The following EXO1 variants were observed in gnomAD, a reference collection of about 807,000 sequenced individuals.
The protein encoded by EXO1 is exonuclease 1.
Under a neutral mutation model 84.5 loss-of-function variants are expected in EXO1, and 69 were observed. That is an observed-to-expected ratio of 0.82 (90% CI 0.67 to 1.00). The LOEUF (loss-of-function observed/expected upper bound fraction) is 1.00, where lower values mean the gene tolerates loss of function less well. EXO1 is among the 50% of genes least tolerant of loss of function. EXO1 has a pLI of 0.00. For synonymous variants in EXO1, 373 were observed against 366.1 expected, an observed-to-expected ratio of 1.02 and a Z score of -0.21; for missense variants, 1,045 against 1,000.7, an observed-to-expected ratio of 1.04 and a Z score of -0.60.
chr1:241,860,487 C>G, intron 8 of EXO1, 30 bp from the exon 9 acceptor site: 1 of 1,500,374 alleles, frequency 6.7e-7, no homozygotes, highest in Non-Finnish European at 9.3e-7. Context: ...TCTTTAGTTG[C>G]AGATAAAATA....
In EXO1 at chr1:241,850,525, T is replaced by C. The variant is rs111477819; in HGVS notation, c.100T>C (p.Trp34Arg). 6.2e-7 allele frequency: 1 copy of C among 1,614,088 alleles called. No individual in the cohort carries two copies. The highest frequency in any genetic ancestry group is 1.3e-5 in the African/African-American group (1 of 75,064). Reference sequence around the variant, plus strand: ...GGTAGTAGCTGTGGATACATATTGCTGGCTTCACAAAGGAGCTATTGCTTG... The same window carrying C: ...GGTAGTAGCTGTGGATACATATTGCCGGCTTCACAAAGGAGCTATTGCTTG... Reference protein sequence around the residue: ...GQVVAVDTYCWLHKGAIACAE... With the variant: ...GQVVAVDTYCRLHKGAIACAE... The change falls in exon 4 of 16, where the codon TGG becomes CGG. Residue 34 changes from tryptophan (W) to arginine (R), a missense_variant. By Grantham distance (101) the Trp-to-Arg change is moderately radical (BLOSUM62 -3). Coordinates refer to ENST00000366548, the MANE Select transcript of EXO1 (RefSeq NM_130398.4).
Position 241,889,710 on chromosome 1 carries a change from A to G in EXO1, c.*110A>G, listed in dbSNP as rs921263169. 6 of 1,049,320 alleles carry G rather than the reference A, an allele frequency of 5.7e-6. No individual in the cohort carries two copies. Among genetic ancestry groups the G allele is most frequent in the Non-Finnish European group, 7.4e-6 (5 of 675,726 alleles). The allele number at this position is 1,049,320 out of a possible 1,614,324, so 65.0% of individuals were successfully genotyped here. On this transcript the variant is annotated 3_prime_UTR_variant, in exon 16 of 16. Coordinates refer to ENST00000366548, the MANE Select transcript of EXO1 (RefSeq NM_130398.4). ...GAAGAATTTTTTCTCATTCTGTGCC[A>G]TTTTAAAAATAGAATACATTTTGTA... is the stretch of plus-strand genomic sequence containing the variant.
chr1:241,869,839 T>C (rs962299509), intron 11 of EXO1, among the ~76,000 whole-genome samples: 4 of 137,374 alleles, frequency 2.9e-5, no homozygotes, highest in Non-Finnish European at 3.1e-5. Flanking sequence ...TTTTTGAGAC[T>C]GTGTCACTGT....
At chr1:241,879,938 C>T (rs1248942622) in intron 13 of EXO1, among the ~76,000 whole-genome samples, 4 of 147,608 alleles carry the variant, frequency 2.7e-5, no homozygotes, top group South Asian at 2.2e-4. Flanking sequence ...ACCTGGGAGG[C>T]GGAGGTTGCA....
At chr1:241,877,436 C>A (rs1391613628) in intron 12 of EXO1, among the ~76,000 whole-genome samples, 2 of 152,076 alleles carry the variant, frequency 1.3e-5, no homozygotes, top group Non-Finnish European at 2.9e-5. Context: ...CTCATGTTTT[C>A]TGCTTACTGA....
chr1:241,871,141 C>T (rs1053666954), intron 11 of EXO1, among the ~76,000 whole-genome samples: 1 of 152,154 alleles, frequency 6.6e-6, no homozygotes, highest in African/African-American at 2.4e-5. Flanking sequence ...GACCCTGGAA[C>T]ACTTGTTTTT....
In EXO1 at chr1:241,850,418, T is replaced by A. The variant is rs1252300724; in HGVS notation, c.-8T>A. On this transcript the variant is annotated 5_prime_UTR_variant, in exon 4 of 16. In the 5' UTR this introduces an upstream ATG that the reference lacks. Transcript: ENST00000366548. ...TCTCTTTTCATATCAGGTAGTTAATTTGGCACCATGGGGATACAGGGATTG... is the reference window on the plus strand; with the variant it reads ...TCTCTTTTCATATCAGGTAGTTAATATGGCACCATGGGGATACAGGGATTG... The A allele has an allele frequency of 6.2e-7, 1 of 1,610,468 alleles. No individual in the cohort carries two copies. Among genetic ancestry groups the A allele is most frequent in the South Asian group, 1.1e-5 (1 of 91,022 alleles).
chr1:241,882,198 T>G (rs1665153897), intron 14 of EXO1, among the ~76,000 whole-genome samples, 181 bp downstream of exon 14: 1 of 152,210 alleles, frequency 6.6e-6, no homozygotes, highest in Admixed American at 6.5e-5. Context: ...TATTTTCTCT[T>G]GCAGTGTATA....
chr1:241,859,150 A>G (rs1661230589), intron 8 of EXO1, among the ~76,000 whole-genome samples: 1 of 152,230 alleles, frequency 6.6e-6, no homozygotes, highest in Admixed American at 6.5e-5. Context: ...AATTAAAACA[A>G]AAATTTAAAT....
chr1:241,860,815 CTTTT>C, intron 9 of EXO1, 111 bp downstream of exon 9: 1 of 849,772 alleles, frequency 1.2e-6, no homozygotes, highest in East Asian at 2.6e-5. Flanking sequence ...TTTTTGCTCT[CTTTT>C]TTATAGTGAA....
At chr1:241,876,274 A>G (rs1208807896) in intron 12 of EXO1, among the ~76,000 whole-genome samples, 1 of 152,234 alleles carries the variant, frequency 6.6e-6, no homozygotes, top group Non-Finnish European at 1.5e-5. Context: ...TATGGCTTAC[A>G]TTATACAGCA....
intron 4 of EXO1, 150 bp downstream of exon 4, chr1:241,850,736 G>C (rs1314379520): frequency 5.9e-6 from 4 of 681,102 alleles, no homozygotes; most frequent in Non-Finnish European, 1.0e-5. Context: ...CCAAATCAGG[G>C]ATGACTTCCT....
At chr1:241,885,034 C>T (rs558575960) in intron 14 of EXO1, among the ~76,000 whole-genome samples, 3 of 151,884 alleles carry the variant, frequency 2.0e-5, no homozygotes, top group African/African-American at 4.8e-5. Context: ...GGTGAAACGC[C>T]GTCTCTACTA....
chr1:241,889,429 T>C, intron 15 of EXO1, 36 bp from the exon 16 acceptor site: 1 of 1,595,720 alleles, frequency 6.3e-7, no homozygotes, highest in Non-Finnish European at 8.6e-7. Flanking sequence ...AATCAGTACC[T>C]TAAAAATACC....
chr1:241,857,285 G>C, intron 6 of EXO1, 60 bp from the exon 7 acceptor site: 2 of 1,570,768 alleles, frequency 1.3e-6, no homozygotes, highest in East Asian at 4.5e-5. Flanking sequence ...TTTGAAACAG[G>C]AAGTTGTTTA....
chr1:241,850,350 T>C, intron 3 of EXO1, 59 bp from the exon 4 acceptor site: 2 of 1,179,872 alleles, frequency 1.7e-6, no homozygotes, highest in Admixed American at 3.4e-5. Context: ...GTCTAAGATG[T>C]TTTAATAAAT....
chr1:241,868,680 A>G (rs1205769200), intron 11 of EXO1, among the ~76,000 whole-genome samples: 2 of 152,168 alleles, frequency 1.3e-5, no homozygotes, highest in Non-Finnish European at 2.9e-5. Flanking sequence ...ATAAAAAGTA[A>G]AAAGTCTATT....
chr1:241,857,486 C>T lies in EXO1; in HGVS notation c.543+4C>T, dbSNP rs1288508147. On this transcript the variant is annotated splice_donor_region_variant and intron_variant, in intron 7 of 15. Transcript: ENST00000366548. ...CCTAGCTTTTGGCTGTAAAAAGGTA[C>T]TCACCTCTGACTACTATATATTACT... is the stretch of plus-strand genomic sequence containing the variant. 6.2e-6 allele frequency: 10 copies of T among 1,612,128 alleles called. No homozygotes were observed. Among genetic ancestry groups the T allele is most frequent in the Non-Finnish European group, 8.5e-6 (10 of 1,178,896 alleles).
intron 10 of EXO1, among the ~76,000 whole-genome samples, chr1:241,864,734 G>A (rs1482413477): frequency 6.6e-6 from 1 of 152,156 alleles, no homozygotes; most frequent in Non-Finnish European, 1.5e-5. Flanking sequence ...CCGTGGTTTA[G>A]AAGTCACAGA....
Sources: gnomAD v4.1 joint callset for allele counts (sites outside exome capture counted in the v4.1 genomes callset) on GRCh38, gnomAD v4.1.1 for gene constraint, MANE v1.5 for transcripts, NCBI Gene and HGNC (gene_info 2026-07-23, HGNC 2026-07-21) for gene names.